The following ITGA8 variants were observed in gnomAD, a reference collection of about 807,000 sequenced individuals.
ITGA8 encodes integrin alpha-8.
A neutral mutation model predicts 142.3 loss-of-function variants in ITGA8; 91 were observed. The ratio of observed to expected loss-of-function variants is 0.64; its 90% confidence interval spans 0.54 to 0.76. The LOEUF is 0.76. ITGA8 is among the 30% of genes least tolerant of loss of function. ITGA8 has a pLI of 0.00. For synonymous variants in ITGA8, 505 were observed against 485.2 expected (o/e 1.04, Z -0.54); for missense variants, 1,406 against 1,327.7 (o/e 1.06, Z -0.92).
intron 2 of ITGA8, among the ~76,000 whole-genome samples, chr10:15,704,817 G>A (rs534197310): frequency 1.3e-5 from 2 of 152,248 alleles, no homozygotes; most frequent in South Asian, 4.2e-4. Context: ...ATACAGGATA[G>A]GATTGGGTTT....
chr10:15,699,594 T>G (rs148639662), intron 2 of ITGA8, among the ~76,000 whole-genome samples: 15 of 152,260 alleles, frequency 9.9e-5, no homozygotes, highest in South Asian at 8.3e-4. Context: ...CATTTGTGGG[T>G]TTTTTTCCAG....
intron 8 of ITGA8, 149 bp downstream of exon 8, chr10:15,671,454 A>AT (rs1020599086): frequency 1.5e-4 from 91 of 596,138 alleles, no homozygotes; most frequent in African/African-American, 1.5e-3. Flanking sequence ...GTATCAAAGT[A>AT]TTTTTTCTAC....
At chr10:15,671,251 T>C (rs1353457781) in intron 8 of ITGA8, among the ~76,000 whole-genome samples, 1 of 152,148 alleles carries the variant, frequency 6.6e-6, no homozygotes, top group Non-Finnish European at 1.5e-5. Flanking sequence ...ATTTTGGACA[T>C]GTCCAATATG....
intron 27 of ITGA8, among the ~76,000 whole-genome samples, chr10:15,546,573 G>A (rs73598791): frequency 0.055 from 8,397 of 152,082 alleles, 750 homozygotes; most frequent in African/African-American, 0.19. Context: ...GAGGTCAGGG[G>A]TGCTGCTAAG....
At chr10:15,654,952 T>C (rs188530574) in intron 11 of ITGA8, among the ~76,000 whole-genome samples, 33 of 152,348 alleles carry the variant, frequency 2.2e-4, no homozygotes, top group Middle Eastern at 3.4e-3. Context: ...GTCTTCTCCA[T>C]GGCTGTTACA....
chr10:15,622,561 C>A (rs529523978), intron 13 of ITGA8, among the ~76,000 whole-genome samples: 5 of 148,596 alleles, frequency 3.4e-5, no homozygotes, highest in African/African-American at 1.2e-4. Context: ...AAAATCTAGA[C>A]GACTTTTATA....
chr10:15,535,806 G>A (rs1184474782), intron 27 of ITGA8, among the ~76,000 whole-genome samples: 2 of 152,130 alleles, frequency 1.3e-5, no homozygotes, highest in Admixed American at 6.5e-5. Flanking sequence ...CTTCCACACT[G>A]TGGCAGGTTT....
At chr10:15,517,526 G>A (rs1295648442) in intron 29 of ITGA8, among the ~76,000 whole-genome samples, 1 of 152,112 alleles carries the variant, frequency 6.6e-6, no homozygotes, top group African/African-American at 2.4e-5. Flanking sequence ...GTTTTGCCAT[G>A]TTGGCCAGGC....
At chr10:15,719,416 G>A (rs1835515561) in intron 1 of ITGA8, 147 bp downstream of exon 1, 4 of 646,196 alleles carry the variant, frequency 6.2e-6, no homozygotes, top group Non-Finnish European at 1.0e-5. Flanking sequence ...GGAGAGAAGG[G>A]GCTGGTGGCG....
At position 15,607,699 on chromosome 10, in the gene ITGA8, T is replaced by G. The variant is rs9333269; in HGVS notation, c.1742A>C (p.Gln581Pro). ...VIKRQKSHQC[Q>P]DFIVYLRDET... is the part of the protein sequence containing the mutation. ...TACTCGAAGGTAAACGATGAAATCC[T>G]GGCACTGGTGGGATTTCTGCCTTTT... Residue 581 changes from glutamine (Q) to proline (P), a missense_variant, in exon 17 of 30, where the codon CAG becomes CCG. Gln to Pro is a moderately conservative substitution (Grantham distance 76, BLOSUM62 -1). Transcript: ENST00000378076. 129,125 of 1,613,564 alleles carry G rather than the reference T, an allele frequency of 0.08. 5,873 individuals are homozygous for G. The highest frequency in any genetic ancestry group is 0.091 in the Non-Finnish European group (107,078 of 1,179,522).
At chr10:15,696,147 G>A (rs936043014) in intron 2 of ITGA8, among the ~76,000 whole-genome samples, 2 of 152,224 alleles carry the variant, frequency 1.3e-5, no homozygotes, top group Non-Finnish European at 2.9e-5. Context: ...GGGTTACCCC[G>A]GGAGGACTGT....
intron 20 of ITGA8, among the ~76,000 whole-genome samples, chr10:15,598,024 G>C (rs879398414): frequency 1.3e-5 from 2 of 152,064 alleles, no homozygotes; most frequent in Non-Finnish European, 2.9e-5. Context: ...CTTCATGTCC[G>C]CATGCTTTTC....
At chr10:15,672,215 C>T (rs957922069) in intron 7 of ITGA8, among the ~76,000 whole-genome samples, 5 of 152,174 alleles carry the variant, frequency 3.3e-5, no homozygotes, top group Non-Finnish European at 7.3e-5. Flanking sequence ...AGTTGGGAAA[C>T]AGTAGTGGTG....
intron 12 of ITGA8, among the ~76,000 whole-genome samples, chr10:15,644,460 A>G (rs1271113527): frequency 7.2e-5 from 1 of 13,806 alleles, no homozygotes; most frequent in African/African-American, 1.3e-4. Flanking sequence ...ATATATATAT[A>G]TATATATATA....
chr10:15,577,562 T>G (rs1032650589), intron 23 of ITGA8, among the ~76,000 whole-genome samples: 2 of 151,940 alleles, frequency 1.3e-5, no homozygotes, highest in Non-Finnish European at 2.9e-5. Context: ...TATCAAAACA[T>G]CATGTCAAAA....
intron 4 of ITGA8, among the ~76,000 whole-genome samples, chr10:15,683,197 A>G (rs1433220682): frequency 6.6e-6 from 1 of 152,138 alleles, no homozygotes; most frequent in Non-Finnish European, 1.5e-5. Flanking sequence ...CTTATCAACA[A>G]ATCCTAGTGA....
chr10:15,546,142 C>T (rs929933416), intron 27 of ITGA8, among the ~76,000 whole-genome samples: 51 of 152,322 alleles, frequency 3.3e-4, no homozygotes, highest in African/African-American at 1.2e-3. Context: ...CTGTGCCCAT[C>T]CTACCTGCAG....
chr10:15,572,615 A>G (rs1834206554), intron 24 of ITGA8, among the ~76,000 whole-genome samples: 1 of 152,206 alleles, frequency 6.6e-6, no homozygotes, highest in African/African-American at 2.4e-5. Context: ...CCTCAGTTGA[A>G]GACCATACTA....
intron 1 of ITGA8, among the ~76,000 whole-genome samples, chr10:15,719,350 T>TCTC (rs1385387553): frequency 6.6e-6 from 1 of 152,234 alleles, no homozygotes; most frequent in Non-Finnish European, 1.5e-5. Context: ...TTGCGTGTTC[T>TCTC]ATGCAAGTGG....
Sources: allele counts gnomAD v4.1 joint callset (sites outside exome capture counted in the v4.1 genomes callset), GRCh38; gene constraint gnomAD v4.1.1; transcripts MANE v1.5; gene names NCBI Gene and HGNC (gene_info 2026-07-23, HGNC 2026-07-21).